The following ALDH1A2 variants were observed in gnomAD, a reference collection of about 807,000 sequenced individuals.
ALDH1A2 encodes retinal dehydrogenase 2.
ALDH1A2 carries 27 observed loss-of-function variants against 60.3 expected under a neutral mutation model. The observed-to-expected ratio is 0.45, with a 90% CI of 0.33 to 0.62. The LOEUF (loss-of-function observed/expected upper bound fraction) is 0.62, where lower values mean the gene tolerates loss of function less well. Ranked by LOEUF, ALDH1A2 falls within the 20% of genes least tolerant of loss-of-function variation. The pLI, the probability that ALDH1A2 is intolerant of heterozygous loss-of-function variation, is 0.02. For missense variants in ALDH1A2, 581 were observed against 643.8 expected, an observed-to-expected ratio of 0.90 and a Z score of 1.06; for synonymous variants, 289 against 232.4, an observed-to-expected ratio of 1.24 and a Z score of -2.21.
At chr15:57,968,965 A>G (rs1294818501) in intron 7 of ALDH1A2, among the ~76,000 whole-genome samples, 1 of 151,842 alleles carries the variant, frequency 6.6e-6, no homozygotes, top group African/African-American at 2.4e-5. Context: ...TTTCCTTAGA[A>G]AACAAATTTG....
chr15:58,059,650 T>C (rs1172383343), intron 1 of ALDH1A2, among the ~76,000 whole-genome samples: 1 of 152,192 alleles, frequency 6.6e-6, no homozygotes, highest in East Asian at 1.9e-4. Context: ...TATTGAAGCA[T>C]ATTCATGCTA....
chr15:58,024,594 CTACAA>C (rs756335577), intron 1 of ALDH1A2, among the ~76,000 whole-genome samples: 1 of 152,120 alleles, frequency 6.6e-6, no homozygotes, highest in Non-Finnish European at 1.5e-5. Context: ...AATAGACAGA[CTACAA>C]TACAATAGTG....
intron 1 of ALDH1A2, among the ~76,000 whole-genome samples, chr15:58,027,335 G>A (rs973718745): frequency 1.3e-5 from 2 of 152,122 alleles, no homozygotes; most frequent in South Asian, 4.1e-4. Context: ...AAACAGAAAG[G>A]AATAGCATCA....
chr15:58,046,663 A>T (rs1168038026), intron 1 of ALDH1A2, among the ~76,000 whole-genome samples: 2 of 152,068 alleles, frequency 1.3e-5, no homozygotes, highest in Non-Finnish European at 2.9e-5. Context: ...TTACAGAGCT[A>T]TTGCACAATT....
At chr15:58,060,463 C>CTTTTTTTTTTTTTTTTTTTTTTTT (rs35187901) in intron 1 of ALDH1A2, among the ~76,000 whole-genome samples, 8 of 87,512 alleles carry the variant, frequency 9.1e-5, no homozygotes, top group Admixed American at 1.5e-4. Context: ...CCACACATAT[C>CTTTTTTTTTTTTTTTTTTTTTTTT]TTTTTTTTTT....
intron 1 of ALDH1A2, among the ~76,000 whole-genome samples, chr15:58,022,704 A>G (rs1196857219): frequency 6.6e-6 from 1 of 152,186 alleles, no homozygotes; most frequent in African/African-American, 2.4e-5. Context: ...AGCCTCTGCT[A>G]ATAACCACAC....
chr15:58,036,151 A>G (rs1896372126), intron 1 of ALDH1A2, among the ~76,000 whole-genome samples: 1 of 151,768 alleles, frequency 6.6e-6, no homozygotes, highest in Non-Finnish European at 1.5e-5. Flanking sequence ...TTTAGATGAC[A>G]TTATTGTCTA....
chr15:58,016,600 AT>A (rs1245011263), intron 1 of ALDH1A2, among the ~76,000 whole-genome samples: 1 of 152,192 alleles, frequency 6.6e-6, no homozygotes, highest in African/African-American at 2.4e-5. Flanking sequence ...TCTATTGATC[AT>A]TTTATAAATC....
chr15:58,000,567 A>G (rs929447541), intron 4 of ALDH1A2, among the ~76,000 whole-genome samples: 31 of 152,126 alleles, frequency 2.0e-4, no homozygotes, highest in Middle Eastern at 3.4e-3. Flanking sequence ...AAAATCTAAA[A>G]TAACAGGTTT....
chr15:57,976,607 T>C (rs558379610), intron 7 of ALDH1A2, among the ~76,000 whole-genome samples: 1 of 152,340 alleles, frequency 6.6e-6, no homozygotes, highest in East Asian at 1.9e-4. Flanking sequence ...TCCTTTTTTA[T>C]GGCTGCATGG....
At chr15:57,957,384 T>C (rs906178976) in intron 12 of ALDH1A2, among the ~76,000 whole-genome samples, 2 of 152,190 alleles carry the variant, frequency 1.3e-5, no homozygotes, top group African/African-American at 4.8e-5. Flanking sequence ...ACCAGGAGAC[T>C]GAGAGACAGA....
At chr15:57,961,836 G>C (rs144193097) in intron 10 of ALDH1A2, among the ~76,000 whole-genome samples, 176 bp downstream of exon 10, 1 of 152,128 alleles carries the variant, frequency 6.6e-6, no homozygotes, top group Non-Finnish European at 1.5e-5. Flanking sequence ...TAGCTTGCTT[G>C]TCTTTTGGTT....
chr15:58,008,502 G>A (rs1392136100), intron 4 of ALDH1A2, among the ~76,000 whole-genome samples: 2 of 151,982 alleles, frequency 1.3e-5, no homozygotes, highest in Non-Finnish European at 2.9e-5. Context: ...CATTATCAGG[G>A]ATGTCAATCA....
At chr15:58,050,203 A>G (rs1302120459) in intron 1 of ALDH1A2, among the ~76,000 whole-genome samples, 3 of 152,082 alleles carry the variant, frequency 2.0e-5, no homozygotes, top group Non-Finnish European at 2.9e-5. Context: ...GGTTAAAAAA[A>G]AAAAGTCTTT....
At chr15:58,064,528 A>T (rs1232345405) in intron 1 of ALDH1A2, among the ~76,000 whole-genome samples, 1 of 152,192 alleles carries the variant, frequency 6.6e-6, no homozygotes, top group African/African-American at 2.4e-5. Flanking sequence ...TCTTTAATCA[A>T]CCTTTAACCA....
At chr15:58,030,578 T>C (rs1345477689) in intron 1 of ALDH1A2, among the ~76,000 whole-genome samples, 2 of 152,070 alleles carry the variant, frequency 1.3e-5, no homozygotes, top group African/African-American at 4.8e-5. Context: ...GGTATCTAAT[T>C]AGGAAAAGAG....
intron 7 of ALDH1A2, among the ~76,000 whole-genome samples, chr15:57,970,239 A>T (rs1160526834): frequency 4.6e-5 from 7 of 152,180 alleles, no homozygotes; most frequent in African/African-American, 9.7e-5. Flanking sequence ...CTCCTTATGA[A>T]AGAGTAAGTG....
At chr15:57,964,979 T>A (rs1385946418) in intron 8 of ALDH1A2, among the ~76,000 whole-genome samples, 1 of 150,890 alleles carries the variant, frequency 6.6e-6, no homozygotes, top group South Asian at 2.1e-4. Context: ...GTGGTGAGAC[T>A]GGGAAAGCAG....
At chr15:57,974,796 T>C (rs1026734376) in intron 7 of ALDH1A2, among the ~76,000 whole-genome samples, 2 of 152,200 alleles carry the variant, frequency 1.3e-5, no homozygotes, top group Non-Finnish European at 2.9e-5. Context: ...TTAAAAACTT[T>C]AAGAGACACT....
Sources: gnomAD v4.1 joint callset for allele counts (sites outside exome capture counted in the v4.1 genomes callset) on GRCh38, gnomAD v4.1.1 for gene constraint, MANE v1.5 for transcripts, NCBI Gene and HGNC (gene_info 2026-07-23, HGNC 2026-07-21) for gene names.